The following RASA3 variants were observed in gnomAD, a reference collection of about 807,000 sequenced individuals.
The protein encoded by RASA3 is RAS p21 protein activator 3, also known as ras GTPase-activating protein 3.
In RASA3, 73 loss-of-function variants were observed where a neutral mutation model predicts 110.0. That is an observed-to-expected ratio of 0.66 (90% CI 0.55 to 0.81). The LOEUF (loss-of-function observed/expected upper bound fraction) is 0.81. Ranked by LOEUF, RASA3 falls within the 30% of genes least tolerant of loss-of-function variation. The pLI is 0.00. For synonymous variants in RASA3, 500 were observed against 451.4 expected, an observed-to-expected ratio of 1.11 and a Z score of -1.37; for missense variants, 976 against 1,113.2, an observed-to-expected ratio of 0.88 and a Z score of 1.75.
intron 1 of RASA3, among the ~76,000 whole-genome samples, chr13:114,109,558 C>T (rs1352179905): frequency 6.6e-6 from 1 of 152,200 alleles, no homozygotes; most frequent in African/African-American, 2.4e-5. Context: ...TCTAATCTTC[C>T]ATACAGATCA....
chr13:113,984,321 C>A (rs1452612442), intron 22 of RASA3, among the ~76,000 whole-genome samples: 4 of 120,382 alleles, frequency 3.3e-5, no homozygotes, highest in African/African-American at 1.1e-4. Flanking sequence ...TCCATCCACC[C>A]ATCACTCACC....
At chr13:114,082,859 G>C (rs1037281343) in intron 1 of RASA3, among the ~76,000 whole-genome samples, 40 of 152,204 alleles carry the variant, frequency 2.6e-4, no homozygotes, top group African/African-American at 8.7e-4. Flanking sequence ...TAAAAGATGT[G>C]TAGCACACAA....
At chr13:114,020,486 CGT>C (rs1342226325) in intron 9 of RASA3, among the ~76,000 whole-genome samples, 6 of 152,192 alleles carry the variant, frequency 3.9e-5, no homozygotes, top group Non-Finnish European at 8.8e-5. Flanking sequence ...AAAAGACACG[CGT>C]GTTTCACGGT....
Position 114,052,137 on chromosome 13 carries a change from GTCT to G in RASA3, c.189_191del (p.Glu63del), listed in dbSNP as rs778906048. 9.9e-6 allele frequency: 16 copies of G among 1,612,728 alleles called. No individual in the cohort carries two copies. Among genetic ancestry groups the G allele is most frequent in the African/African-American group, 1.3e-5 (1 of 74,918 alleles). On this transcript the variant is annotated inframe_deletion, in exon 3 of 24. Coordinates refer to ENST00000334062, the MANE Select transcript of RASA3 (RefSeq NM_007368.4). Reference sequence around the variant, plus strand: ...AGCTCCGAGGAATTTCACAGTAAAAGTCTTCTCCGTAAAACGGGCTAGTGAGAC... The same window carrying G: ...AGCTCCGAGGAATTTCACAGTAAAAGTCTCCGTAAAACGGGCTAGTGAGAC...
chr13:114,052,024 G>A (rs1416673553), intron 3 of RASA3, 28 bp downstream of exon 3: 4 of 1,510,394 alleles, frequency 2.6e-6, no homozygotes, highest in Admixed American at 1.7e-5. Context: ...GGCAGAAAAG[G>A]GGAAGTAAAT....
rs756148387 is a variant in RASA3 at position 114,057,290 on chromosome 13, C to T, written c.174-5135G>A. Reference sequence around the variant, plus strand: ...GGAAACCAGGCAGGACATCTGCAGGCGGCCGGCCAGCCTTATCAACGGAGC... The same window carrying T: ...GGAAACCAGGCAGGACATCTGCAGGTGGCCGGCCAGCCTTATCAACGGAGC... On this transcript the variant is annotated intron_variant, in intron 2 of 23. Coordinates refer to ENST00000334062, the MANE Select transcript of RASA3 (RefSeq NM_007368.4). This position sits in a 1 kb window ranked among gnomAD's most constrained non-coding sequence, Gnocchi z 5.0. 27 of 985,434 alleles carry T rather than the reference C, an allele frequency of 2.7e-5. No individual in the cohort carries two copies. The highest frequency in any genetic ancestry group is 1.1e-4 in the East Asian group (1 of 8,820). 61.0% of individuals were successfully genotyped at this position (985,434 alleles called of 1,614,324 possible). A position where few individuals can be genotyped will look rare whatever the true frequency, so the allele number is the denominator to read the frequency against.
At chr13:114,097,345 G>A (rs1384182883) in intron 1 of RASA3, among the ~76,000 whole-genome samples, 1 of 152,198 alleles carries the variant, frequency 6.6e-6, no homozygotes, top group Non-Finnish European at 1.5e-5. Flanking sequence ...CCGGCAACCT[G>A]CCCGGCTATG....
chr13:114,012,969 C>T (rs921504826), intron 15 of RASA3, among the ~76,000 whole-genome samples, 173 bp downstream of exon 15: 15 of 151,236 alleles, frequency 9.9e-5, no homozygotes, highest in South Asian at 4.2e-4. Flanking sequence ...CACACACACT[C>T]CCCACTCACT....
Position 113,999,680 on chromosome 13 carries a change from T to C in RASA3, c.1850-13A>G, listed in dbSNP as rs759439852. The C allele has an allele frequency of 1.2e-6, 2 of 1,603,922 alleles. No individual in the cohort carries two copies. Among genetic ancestry groups the C allele is most frequent in the Non-Finnish European group, 1.7e-6 (2 of 1,174,904 alleles). ...AGAGGCTGGTCCCCTGCAGCAGAGA[T>C]GGACTGTCAGTGGGTGCGGGCCCCG... On this transcript the variant is annotated splice_polypyrimidine_tract_variant and intron_variant, in intron 19 of 23. Coordinates refer to ENST00000334062, the MANE Select transcript of RASA3 (RefSeq NM_007368.4).
chr13:114,091,337 T>C (rs768927979), intron 1 of RASA3, among the ~76,000 whole-genome samples: 1 of 151,980 alleles, frequency 6.6e-6, no homozygotes. Flanking sequence ...CCATTCGGTA[T>C]GAGGTTAGCT....
At chr13:114,017,927 A>G (rs1222257391) in intron 11 of RASA3, among the ~76,000 whole-genome samples, 177 bp downstream of exon 11, 1 of 145,286 alleles carries the variant, frequency 6.9e-6, no homozygotes, top group Non-Finnish European at 1.5e-5. Flanking sequence ...GGGACTTTCA[A>G]AAAAAAAAAA....
In RASA3 at chr13:114,024,324, G is replaced by A; in HGVS notation, c.635C>T (p.Ser212Phe). The change falls in exon 8 of 24, where the codon TCC becomes TTC. Residue 212 changes from serine (S) to phenylalanine (F), a missense_variant. By Grantham distance (155) the Ser-to-Phe change is radical. Coordinates refer to ENST00000334062, the MANE Select transcript of RASA3 (RefSeq NM_007368.4). ...GTCTTCCTCCTCAAAGTCAAAGTGGGACTTCTTGCTGTAGCTACAGGGCCG... is the reference window on the plus strand; with the variant it reads ...GTCTTCCTCCTCAAAGTCAAAGTGGAACTTCTTGCTGTAGCTACAGGGCCG... ...VTRPCSYSKKSHFDFEEEDVD... is the reference protein window; with the variant it reads ...VTRPCSYSKKFHFDFEEEDVD... The A allele has an allele frequency of 6.2e-7, 1 of 1,613,940 alleles. No individual in the cohort carries two copies.
intron 1 of RASA3, among the ~76,000 whole-genome samples, chr13:114,120,108 GCC>G (rs753384382): frequency 1.0e-3 from 24 of 23,510 alleles, no homozygotes; most frequent in Non-Finnish European, 1.5e-3. Context: ...GTCGATCAGG[GCC>G]CCCCTCCCCT....
chr13:114,100,872 A>C (rs1188695692), intron 1 of RASA3, among the ~76,000 whole-genome samples: 1 of 152,236 alleles, frequency 6.6e-6, no homozygotes, highest in African/African-American at 2.4e-5. Context: ...TGACAGGTGG[A>C]CTGCGGGGCC....
chr13:114,030,041 C>G (rs138606461), intron 4 of RASA3, among the ~76,000 whole-genome samples, 154 bp from the exon 5 acceptor site: 1 of 152,256 alleles, frequency 6.6e-6, no homozygotes, highest in South Asian at 2.1e-4. Flanking sequence ...ACTCCACCCC[C>G]GGGACGCAGG....
rs771215086 is a variant in RASA3, at chr13:114,021,395, T to C, written c.785+9A>G. 6.2e-7 allele frequency: 1 copy of C among 1,612,682 alleles called. No individual in the cohort carries two copies. Among genetic ancestry groups the C allele is most frequent in the South Asian group, 1.1e-5 (1 of 91,034 alleles). On this transcript the variant is annotated intron_variant, in intron 9 of 23. Transcript: ENST00000334062. Reference sequence around the variant, plus strand: ...GATGCGGAAGTCTGCAGGTGCAACATCATCTTACCACGCCTCGTAGGAGCT... The same window carrying C: ...GATGCGGAAGTCTGCAGGTGCAACACCATCTTACCACGCCTCGTAGGAGCT...
At chr13:114,008,029 CCCCACGCACCGCG>C (rs2053556359) in intron 17 of RASA3, among the ~76,000 whole-genome samples, 1 of 15,598 alleles carries the variant, frequency 6.4e-5, no homozygotes, top group African/African-American at 9.8e-4. Flanking sequence ...TGGATATTCC[CCCCACGCACCGCG>C]TTCCTGACTG....
At chr13:114,125,839 G>A (rs962492430) in intron 1 of RASA3, among the ~76,000 whole-genome samples, 4 of 151,952 alleles carry the variant, frequency 2.6e-5, no homozygotes, top group South Asian at 2.1e-4. Flanking sequence ...CTGCCTCCCC[G>A]ACCCCCACCA....
intron 1 of RASA3, among the ~76,000 whole-genome samples, chr13:114,125,646 G>A (rs2080436772): frequency 6.6e-6 from 1 of 152,184 alleles, no homozygotes; most frequent in Admixed American, 6.5e-5. Flanking sequence ...TGCTTCTACT[G>A]TTTGCTATTT....
Sources: allele counts gnomAD v4.1 joint callset (sites outside exome capture counted in the v4.1 genomes callset), GRCh38; gene constraint gnomAD v4.1.1; non-coding constraint Gnocchi (gnomAD v3.1); transcripts MANE v1.5; gene names NCBI Gene and HGNC (gene_info 2026-07-23, HGNC 2026-07-21).